TTC39B: variants seen among roughly 807,000 people sequenced by gnomAD.
TTC39B encodes tetratricopeptide repeat domain 39B, also known as tetratricopeptide repeat protein 39B.
TTC39B carries 92 observed loss-of-function variants against 96.6 expected under a neutral mutation model. That is an observed-to-expected ratio of 0.95 (90% CI 0.80 to 1.13). The LOEUF (loss-of-function observed/expected upper bound fraction) is 1.13. Ranked by LOEUF, TTC39B falls within the 50% of genes most tolerant of loss-of-function variation. TTC39B has a pLI of 0.00. For missense variants in TTC39B, 955 were observed against 809.3 expected (o/e 1.18, Z -2.18); for synonymous variants, 367 against 299.4 (o/e 1.23, Z -2.33).
chr9:15,201,803 A>G (rs970256329), intron 7 of TTC39B, among the ~76,000 whole-genome samples: 2 of 152,114 alleles, frequency 1.3e-5, no homozygotes, highest in Non-Finnish European at 2.9e-5. Flanking sequence ...GTTTTGTTTG[A>G]AAAAGTACCC....
At chr9:15,291,298 T>C (rs1292879810) in intron 1 of TTC39B, among the ~76,000 whole-genome samples, 2 of 152,244 alleles carry the variant, frequency 1.3e-5, no homozygotes, top group African/African-American at 4.8e-5. Flanking sequence ...TTTTCTGTGC[T>C]ATTCTCGTGA....
chr9:15,252,003 G>A (rs1419002663), intron 2 of TTC39B, among the ~76,000 whole-genome samples: 1 of 151,772 alleles, frequency 6.6e-6, no homozygotes, highest in Admixed American at 6.6e-5. Flanking sequence ...CAGTTGGGGA[G>A]CCAGATATTC....
intron 6 of TTC39B, among the ~76,000 whole-genome samples, chr9:15,208,422 G>A (rs1401834205): frequency 6.6e-6 from 1 of 152,028 alleles, no homozygotes; most frequent in East Asian, 1.9e-4. Context: ...ATACTAAAAG[G>A]AAAAAGGGAG....
At chr9:15,214,670 C>T (rs571672009) in intron 3 of TTC39B, among the ~76,000 whole-genome samples, 81 of 152,296 alleles carry the variant, frequency 5.3e-4, no homozygotes, top group Middle Eastern at 3.4e-3. Context: ...CAGTACTTTA[C>T]TTCACAGAAA....
At chr9:15,207,983 C>CAAAAAAA (rs531829809) in intron 6 of TTC39B, among the ~76,000 whole-genome samples, 6 of 84,618 alleles carry the variant, frequency 7.1e-5, no homozygotes, top group African/African-American at 2.4e-4. Context: ...GACTTGGTCT[C>CAAAAAAA]AAAAAAAAAA....
chr9:15,245,127 G>T (rs1375006713), intron 2 of TTC39B, among the ~76,000 whole-genome samples: 2 of 152,182 alleles, frequency 1.3e-5, no homozygotes, highest in Non-Finnish European at 2.9e-5. Flanking sequence ...GATGTTCAAT[G>T]ACTGCTTGAT....
chr9:15,238,035 C>T (rs1316178196), intron 2 of TTC39B, among the ~76,000 whole-genome samples: 1 of 152,064 alleles, frequency 6.6e-6, no homozygotes, highest in African/African-American at 2.4e-5. Context: ...TCAATAGACA[C>T]AGAAAAAACA....
At chr9:15,241,716 C>T (rs1057136260) in intron 2 of TTC39B, among the ~76,000 whole-genome samples, 2 of 148,004 alleles carry the variant, frequency 1.4e-5, no homozygotes, top group Admixed American at 6.7e-5. Flanking sequence ...AAATAGTAAT[C>T]TTTCGTAAGT....
chr9:15,290,842 C>T (rs1448556135), intron 1 of TTC39B, among the ~76,000 whole-genome samples: 2 of 152,172 alleles, frequency 1.3e-5, no homozygotes, highest in Admixed American at 6.5e-5. Context: ...TTGGAAAATG[C>T]ACAGGGCACA....
chr9:15,217,991 C>T (rs1236010062), intron 3 of TTC39B, among the ~76,000 whole-genome samples: 6 of 151,824 alleles, frequency 4.0e-5, no homozygotes, highest in Non-Finnish European at 5.9e-5. Flanking sequence ...GGGTGGATCA[C>T]GAGGTCAGGA....
chr9:15,191,494 T>C (rs1052332334), intron 9 of TTC39B, among the ~76,000 whole-genome samples: 2 of 152,236 alleles, frequency 1.3e-5, no homozygotes, highest in African/African-American at 4.8e-5. Flanking sequence ...GGGTTCTCTA[T>C]AGAATACTGG....
intron 3 of TTC39B, among the ~76,000 whole-genome samples, chr9:15,221,816 C>T (rs1324853321): frequency 6.6e-6 from 1 of 152,118 alleles, no homozygotes; most frequent in Non-Finnish European, 1.5e-5. Context: ...CCTTAATGCC[C>T]CTTCTTCCTA....
chr9:15,208,385 T>C (rs959871034), intron 6 of TTC39B, among the ~76,000 whole-genome samples: 2 of 151,492 alleles, frequency 1.3e-5, no homozygotes, highest in Admixed American at 6.6e-5. Context: ...AAAATGCAGC[T>C]AAAAAAAATC....
chr9:15,186,307 G>A (rs1015079960), intron 15 of TTC39B, among the ~76,000 whole-genome samples: 2 of 152,018 alleles, frequency 1.3e-5, no homozygotes, highest in African/African-American at 4.8e-5. Flanking sequence ...GTGGAAATGT[G>A]AGGTGGGGGT....
chr9:15,307,216 G>T (rs778785655), exon 1 of TTC39B: 17 of 1,557,058 alleles, frequency 1.1e-5, no homozygotes, highest in Non-Finnish European at 1.3e-5. Context: ...CAGCGCAAAG[G>T]AGGGCAAAAG....
chr9:15,201,810 AC>A (rs1009252953), intron 7 of TTC39B, among the ~76,000 whole-genome samples: 1 of 151,698 alleles, frequency 6.6e-6, no homozygotes, highest in African/African-American at 2.4e-5. Flanking sequence ...TTGAAAAAGT[AC>A]CCCCCTCATT....
intron 19 of TTC39B, among the ~76,000 whole-genome samples, 163 bp from the exon 20 acceptor site, chr9:15,172,272 T>G (rs1009148371): frequency 6.6e-5 from 10 of 151,886 alleles, no homozygotes; most frequent in Non-Finnish European, 1.3e-4. Context: ...TGGGGGGTTT[T>G]GGGGGGAACT....
intron 2 of TTC39B, chr9:15,232,275 A>G (rs1821466546): frequency 6.5e-6 from 1 of 152,722 alleles, no homozygotes; most frequent in Non-Finnish European, 1.5e-5. Context: ...CTGCAGACAG[A>G]ATCGCGCAGG....
At chr9:15,304,005 T>C (rs566003893) in intron 1 of TTC39B, among the ~76,000 whole-genome samples, 1 of 152,350 alleles carries the variant, frequency 6.6e-6, no homozygotes, top group South Asian at 2.1e-4. Context: ...TTTTCCTTTT[T>C]GGCACTTGAG....
Sources: allele counts gnomAD v4.1 joint callset (sites outside exome capture counted in the v4.1 genomes callset), GRCh38; gene constraint gnomAD v4.1.1; transcripts MANE v1.5; gene names NCBI Gene and HGNC (gene_info 2026-07-23, HGNC 2026-07-21).